The following LRRTM4 variants were observed in gnomAD, a reference collection of about 807,000 sequenced individuals.
LRRTM4 encodes leucine-rich repeat transmembrane neuronal protein 4.
Under a neutral mutation model 47.6 loss-of-function variants are expected in LRRTM4, and 25 were observed. The ratio of observed to expected loss-of-function variants is 0.53; its 90% CI spans 0.38 to 0.73. LRRTM4 has a LOEUF of 0.73. LRRTM4 is among the 30% of genes least tolerant of loss of function. The pLI, the probability that LRRTM4 is intolerant of heterozygous loss-of-function variation, is 0.00. For missense variants in LRRTM4, 638 were observed against 713.4 expected, an observed-to-expected ratio of 0.89 and a Z score of 1.20; for synonymous variants, 311 against 269.5, an observed-to-expected ratio of 1.15 and a Z score of -1.51.
chr2:77,457,547 A>G (rs1311220256), intron 3 of LRRTM4, among the ~76,000 whole-genome samples: 1 of 152,018 alleles, frequency 6.6e-6, no homozygotes, highest in African/African-American at 2.4e-5. Context: ...ATTACATCAT[A>G]TATCTATCCT....
chr2:77,312,557 G>C (rs1677486625), intron 3 of LRRTM4, among the ~76,000 whole-genome samples: 1 of 151,852 alleles, frequency 6.6e-6, no homozygotes, highest in Admixed American at 6.6e-5. Flanking sequence ...ATTTCTCTTT[G>C]GTTTGTGAAA....
At chr2:76,894,066 T>C (rs1010002786) in intron 3 of LRRTM4, among the ~76,000 whole-genome samples, 1 of 151,968 alleles carries the variant, frequency 6.6e-6, no homozygotes, top group Non-Finnish European at 1.5e-5. Context: ...TAATTGTATG[T>C]AGTCATAATG....
chr2:77,163,728 T>G (rs1012963429), intron 3 of LRRTM4, among the ~76,000 whole-genome samples: 21 of 152,194 alleles, frequency 1.4e-4, no homozygotes, highest in Admixed American at 4.6e-4. Flanking sequence ...AAGTGAAGGA[T>G]AAATAAAACC....
chr2:77,074,898 T>G (rs775321282), intron 3 of LRRTM4, among the ~76,000 whole-genome samples: 1 of 138,388 alleles, frequency 7.2e-6, no homozygotes, highest in Admixed American at 7.2e-5. Flanking sequence ...TGGCAGAGGT[T>G]TGACTTAAGT....
At chr2:77,301,478 C>T (rs907579781) in intron 3 of LRRTM4, among the ~76,000 whole-genome samples, 2 of 152,094 alleles carry the variant, frequency 1.3e-5, no homozygotes, top group African/African-American at 4.8e-5. Flanking sequence ...CATTATGTCA[C>T]AGAGACTATA....
At chr2:76,903,010 C>T (rs2103751263) in intron 3 of LRRTM4, among the ~76,000 whole-genome samples, 1 of 152,184 alleles carries the variant, frequency 6.6e-6, no homozygotes, top group South Asian at 2.1e-4. Flanking sequence ...CAATCAAATT[C>T]CACAATTTCT....
intron 3 of LRRTM4, among the ~76,000 whole-genome samples, chr2:76,923,428 TAATA>T (rs1674494244): frequency 6.6e-6 from 1 of 152,042 alleles, no homozygotes; most frequent in Admixed American, 6.6e-5. Flanking sequence ...TAAATGAAGG[TAATA>T]AATACTCAAA....
At chr2:77,123,210 TCA>T (rs1671563564) in intron 3 of LRRTM4, among the ~76,000 whole-genome samples, 1 of 96,700 alleles carries the variant, frequency 1.0e-5, no homozygotes, top group Non-Finnish European at 2.0e-5. Context: ...AGCTTCAGTC[TCA>T]CAGAGAGAGA....
chr2:76,901,812 A>G (rs1230931377), intron 3 of LRRTM4, among the ~76,000 whole-genome samples: 1 of 152,142 alleles, frequency 6.6e-6, no homozygotes, highest in Non-Finnish European at 1.5e-5. Context: ...ATCTGGCAGT[A>G]ACTTAGCTGA....
intron 3 of LRRTM4, among the ~76,000 whole-genome samples, chr2:77,053,271 A>G (rs1679498578): frequency 6.6e-6 from 1 of 152,180 alleles, no homozygotes; most frequent in African/African-American, 2.4e-5. Flanking sequence ...ACTTAAATCC[A>G]AATAAGATAT....
chr2:76,837,146 G>T (rs1002784689), intron 3 of LRRTM4, among the ~76,000 whole-genome samples: 10 of 152,042 alleles, frequency 6.6e-5, no homozygotes, highest in African/African-American at 9.7e-5. Context: ...ATCCATTTCT[G>T]TTAGATTTTC....
At chr2:76,774,588 A>C (rs1222704555) in intron 3 of LRRTM4, among the ~76,000 whole-genome samples, 1 of 152,202 alleles carries the variant, frequency 6.6e-6, no homozygotes, top group Non-Finnish European at 1.5e-5. Flanking sequence ...CATCCTTATT[A>C]TCTTCACATT....
intron 3 of LRRTM4, among the ~76,000 whole-genome samples, chr2:77,252,752 G>C (rs1314120861): frequency 6.6e-6 from 1 of 152,096 alleles, no homozygotes; most frequent in Non-Finnish European, 1.5e-5. Flanking sequence ...AACGTTGCGT[G>C]CCTCTGAGAT....
chr2:77,094,705 G>C (rs1670759803), intron 3 of LRRTM4, among the ~76,000 whole-genome samples: 1 of 152,094 alleles, frequency 6.6e-6, no homozygotes, highest in Non-Finnish European at 1.5e-5. Context: ...TTAATAAATG[G>C]TGTTAGAAAA....
At chr2:77,257,519 C>T (rs1398194064) in intron 3 of LRRTM4, among the ~76,000 whole-genome samples, 1 of 151,934 alleles carries the variant, frequency 6.6e-6, no homozygotes, top group Non-Finnish European at 1.5e-5. Flanking sequence ...GCTGGAAAGT[C>T]CAACTGCTGA....
At chr2:77,403,094 A>T (rs1163087689) in intron 3 of LRRTM4, among the ~76,000 whole-genome samples, 1 of 151,892 alleles carries the variant, frequency 6.6e-6, no homozygotes. Flanking sequence ...ATACAAACCT[A>T]ATTATGCCAT....
chr2:76,823,066 A>G (rs1671096910), intron 3 of LRRTM4, among the ~76,000 whole-genome samples: 1 of 151,480 alleles, frequency 6.6e-6, no homozygotes, highest in African/African-American at 2.4e-5. Context: ...ACAGAAAATG[A>G]GAGAAGCAGA....
At chr2:76,783,532 A>C (rs1674508875) in intron 3 of LRRTM4, among the ~76,000 whole-genome samples, 1 of 152,188 alleles carries the variant, frequency 6.6e-6, no homozygotes, top group South Asian at 2.1e-4. Flanking sequence ...ATTAAGGCGT[A>C]ACTCCCCGTA....
chr2:77,335,749 T>C (rs1023929954), intron 3 of LRRTM4, among the ~76,000 whole-genome samples: 1 of 152,222 alleles, frequency 6.6e-6, no homozygotes, highest in Non-Finnish European at 1.5e-5. Flanking sequence ...ATTTGACTTA[T>C]AGCAGGCACT....
Sources: gnomAD v4.1 joint callset for allele counts (sites outside exome capture counted in the v4.1 genomes callset) on GRCh38, gnomAD v4.1.1 for gene constraint, MANE v1.5 for transcripts, NCBI Gene and HGNC (gene_info 2026-07-23, HGNC 2026-07-21) for gene names.